Variants in NPAS3 observed in about 807,000 individuals in gnomAD.
The protein encoded by NPAS3 is neuronal PAS domain protein 3.
Under a neutral mutation model 73.1 loss-of-function variants are expected in NPAS3, and 14 were observed. The observed-to-expected ratio is 0.19, with a 90% CI of 0.13 to 0.30. NPAS3 has a LOEUF of 0.30. NPAS3 is among the 10% of genes least tolerant of loss of function. NPAS3 has a pLI of 1.00. For missense variants in NPAS3, 1,096 were observed against 1,250.0 expected (o/e 0.88, Z 1.86); for synonymous variants, 620 against 541.5 (o/e 1.14, Z -2.01).
chr14:33,606,231 A>G (rs12888646), intron 5 of NPAS3, among the ~76,000 whole-genome samples: 7,483 of 51,330 alleles, frequency 0.15, 435 homozygotes, highest in East Asian at 0.46. Context: ...CCCTCCCCCC[A>G]CCCCACAACA....
intron 2 of NPAS3, among the ~76,000 whole-genome samples, chr14:33,069,257 A>G (rs147033934): frequency 7.9e-4 from 120 of 152,374 alleles, no homozygotes; most frequent in African/African-American, 2.7e-3. Context: ...ATGTATGCAA[A>G]TAAGTACCTT....
At chr14:33,229,361 C>A (rs965408591) in intron 3 of NPAS3, among the ~76,000 whole-genome samples, 1 of 152,110 alleles carries the variant, frequency 6.6e-6, no homozygotes, top group African/African-American at 2.4e-5. Flanking sequence ...TGTAGAAAAT[C>A]CCTTGGCATC....
chr14:32,989,573 G>GA (rs373979258), intron 1 of NPAS3, among the ~76,000 whole-genome samples: 5,169 of 152,096 alleles, frequency 0.034, 98 homozygotes, highest in Middle Eastern at 0.082. Context: ...GAACCCCAGG[G>GA]GGCGGAGCCT....
intron 4 of NPAS3, among the ~76,000 whole-genome samples, chr14:33,491,374 G>A (rs902495633): frequency 1.3e-5 from 2 of 152,028 alleles, no homozygotes; most frequent in Non-Finnish European, 2.9e-5. Context: ...GGCCATTCTG[G>A]TCCTGCGTGG....
intron 1 of NPAS3, among the ~76,000 whole-genome samples, chr14:32,952,018 A>T (rs1393184915): frequency 6.6e-6 from 1 of 152,024 alleles, no homozygotes; most frequent in African/African-American, 2.4e-5. Context: ...CCAATTAATG[A>T]TACTTAATAG....
Position 33,384,381 on chromosome 14 carries a change from TTCTG to T in NPAS3, c.468+17115_468+17118del, listed in dbSNP as rs577204773. Among the ~76,000 whole-genome samples, 23 of 143,126 alleles carry T rather than the reference TTCTG, an allele frequency of 1.6e-4. No individual in the cohort carries two copies. The East Asian group carries it at 4.2e-3, about 26-fold the overall frequency. The allele number at this position is 143,126 out of a possible 152,430, so 93.9% of individuals were successfully genotyped here. On this transcript the variant is annotated intron_variant, in intron 4 of 11. Coordinates refer to ENST00000356141, the Ensembl canonical transcript of NPAS3. ...TATTCACACAGTATTATTTTAATGTTTCTGTGTGTGTGTGTGTTTTTAATGTTTC... is the reference window on the plus strand; with the variant it reads ...TATTCACACAGTATTATTTTAATGTTTGTGTGTGTGTGTTTTTAATGTTTC...
At chr14:33,154,769 G>A (rs959440147) in intron 2 of NPAS3, among the ~76,000 whole-genome samples, 1 of 152,148 alleles carries the variant, frequency 6.6e-6, no homozygotes, top group Non-Finnish European at 1.5e-5. Context: ...TTACATGAAA[G>A]ATGTTGACAA....
intron 5 of NPAS3, among the ~76,000 whole-genome samples, chr14:33,646,556 A>G (rs1364697417): frequency 6.6e-6 from 1 of 152,190 alleles, no homozygotes; most frequent in Non-Finnish European, 1.5e-5. Context: ...AGATTCATGC[A>G]CTCATGTGAT....
At chr14:33,529,227 G>A (rs2053934216) in intron 4 of NPAS3, among the ~76,000 whole-genome samples, 1 of 152,070 alleles carries the variant, frequency 6.6e-6, no homozygotes, top group African/African-American at 2.4e-5. Flanking sequence ...TTTTCTCAAG[G>A]TAGCTTAGTT....
intron 5 of NPAS3, among the ~76,000 whole-genome samples, chr14:33,642,295 A>T (rs943441684): frequency 2.0e-5 from 3 of 152,096 alleles, no homozygotes; most frequent in African/African-American, 7.2e-5. Context: ...ATTAATATTA[A>T]ACTGTTAAAA....
At chr14:33,523,017 T>C (rs1251390652) in intron 4 of NPAS3, among the ~76,000 whole-genome samples, 2 of 152,108 alleles carry the variant, frequency 1.3e-5, no homozygotes, top group Non-Finnish European at 2.9e-5. Flanking sequence ...GCACCATGTG[T>C]CAACTGAATT....
At chr14:33,273,231 C>T (rs1488401966) in intron 3 of NPAS3, among the ~76,000 whole-genome samples, 1 of 152,180 alleles carries the variant, frequency 6.6e-6, no homozygotes, top group African/African-American at 2.4e-5. Flanking sequence ...TGCAAATCTC[C>T]TCTCTTTTAA....
At chr14:33,277,615 A>G (rs950649868) in intron 3 of NPAS3, among the ~76,000 whole-genome samples, 4 of 152,216 alleles carry the variant, frequency 2.6e-5, no homozygotes, top group Admixed American at 2.6e-4. Context: ...GCAACATTTA[A>G]GCAGGAACCT....
At chr14:33,136,228 T>C (rs972238028) in intron 2 of NPAS3, among the ~76,000 whole-genome samples, 6 of 151,868 alleles carry the variant, frequency 4.0e-5, no homozygotes, top group African/African-American at 7.3e-5. Flanking sequence ...GCCCAGCTAA[T>C]TTTTATATTT....
chr14:33,009,621 T>C (rs2039121617), intron 1 of NPAS3, among the ~76,000 whole-genome samples: 1 of 152,194 alleles, frequency 6.6e-6, no homozygotes, highest in African/African-American at 2.4e-5. Context: ...GTCTTGTTTT[T>C]TCACCAAGAG....
chr14:33,358,770 T>C (rs1184562167), intron 3 of NPAS3, among the ~76,000 whole-genome samples: 2 of 152,244 alleles, frequency 1.3e-5, no homozygotes. Context: ...AAATATTTCC[T>C]GTGGATACTT....
At chr14:33,368,874 G>A (rs1391402383) in intron 4 of NPAS3, among the ~76,000 whole-genome samples, 1 of 152,046 alleles carries the variant, frequency 6.6e-6, no homozygotes, top group Non-Finnish European at 1.5e-5. Context: ...ATGTGACTGA[G>A]GACTATTTCT....
chr14:33,253,253 C>A (rs367556043), intron 3 of NPAS3, among the ~76,000 whole-genome samples: 3 of 152,040 alleles, frequency 2.0e-5, no homozygotes, highest in African/African-American at 7.2e-5. Context: ...TATAAATGTT[C>A]CCTTTTCTCC....
At chr14:33,238,540 G>C (rs895371360) in intron 3 of NPAS3, among the ~76,000 whole-genome samples, 1 of 151,972 alleles carries the variant, frequency 6.6e-6, no homozygotes, top group Non-Finnish European at 1.5e-5. Context: ...AATTTGAGTA[G>C]TTTGAATGAC....
Sources: gnomAD v4.1 joint callset for allele counts (sites outside exome capture counted in the v4.1 genomes callset) on GRCh38, gnomAD v4.1.1 for gene constraint, MANE v1.5 for transcripts, NCBI Gene and HGNC (gene_info 2026-07-23, HGNC 2026-07-21) for gene names.